The following KIF26B variants were observed in gnomAD, a reference collection of about 807,000 sequenced individuals.
The protein encoded by KIF26B is kinesin-like protein KIF26B.
A neutral mutation model predicts 151.2 loss-of-function variants in KIF26B; 63 were observed. The observed-to-expected ratio is 0.42, with a 90% CI of 0.34 to 0.51. The LOEUF (loss-of-function observed/expected upper bound fraction) is 0.51, where lower values mean the gene tolerates loss of function less well. Among genes scored for constraint, KIF26B ranks in the 20% least tolerant of loss-of-function variants. The probability of loss-of-function intolerance (pLI) is 0.07; values close to 1 mark genes in which losing one functional copy is unlikely to be tolerated. For synonymous variants in KIF26B, 1,357 were observed against 1,262.1 expected, an observed-to-expected ratio of 1.08 and a Z score of -1.59; for missense variants, 2,813 against 2,913.6, an observed-to-expected ratio of 0.97 and a Z score of 0.79.
intron 6 of KIF26B, among the ~76,000 whole-genome samples, chr1:245,605,460 T>G (rs1380017917): frequency 6.6e-6 from 1 of 152,202 alleles, no homozygotes. Flanking sequence ...TCTTCGTTTC[T>G]AAGGAAATCA....
rs559082191 is a variant in KIF26B at position 245,616,872 on chromosome 1, T to A, written c.2098+4896T>A. 2.2e-4 allele frequency among the ~76,000 whole-genome samples: 33 copies of A among 152,324 alleles called. No homozygotes were observed. In the South Asian group the frequency reaches 6.6e-3, roughly 31 times the overall value. ...GATAATTTCAAAAGCCCCACTTTTA[T>A]GAGTAATCTAAGCATGCAAGCAACT... On this transcript the variant is annotated intron_variant, in intron 9 of 14. Transcript: ENST00000407071.
chr1:245,343,085 C>CAAAAAA (rs11377283), intron 2 of KIF26B, among the ~76,000 whole-genome samples: 2 of 131,968 alleles, frequency 1.5e-5, no homozygotes, highest in African/African-American at 5.8e-5. Flanking sequence ...GACTCCATCT[C>CAAAAAA]AAAAAAAAAA....
chr1:245,305,574 TAAA>T (rs1671520174), intron 2 of KIF26B, among the ~76,000 whole-genome samples: 1 of 152,130 alleles, frequency 6.6e-6, no homozygotes, highest in South Asian at 2.1e-4. Flanking sequence ...ATGGCTAGAA[TAAA>T]AAAGATAAAC....
chr1:245,346,098 A>G (rs1047364798), intron 2 of KIF26B, among the ~76,000 whole-genome samples: 1 of 147,792 alleles, frequency 6.8e-6, no homozygotes, highest in Non-Finnish European at 1.5e-5. Context: ...ACACCTGGCT[A>G]ATTTTTTTTT....
intron 4 of KIF26B, among the ~76,000 whole-genome samples, chr1:245,537,041 T>A (rs2103100288): frequency 6.6e-6 from 1 of 152,294 alleles, no homozygotes; most frequent in South Asian, 2.1e-4. Flanking sequence ...GGGGAGAGTA[T>A]CAGTGTCAGG....
At chr1:245,323,655 A>C (rs927885607) in intron 2 of KIF26B, among the ~76,000 whole-genome samples, 2 of 152,218 alleles carry the variant, frequency 1.3e-5, no homozygotes, top group Admixed American at 6.5e-5. Flanking sequence ...ATTTTTAGTT[A>C]AGAAAGGCTC....
chr1:245,643,615 T>C (rs2043916161), intron 9 of KIF26B, among the ~76,000 whole-genome samples: 2 of 152,210 alleles, frequency 1.3e-5, no homozygotes, highest in South Asian at 2.1e-4. Context: ...TTTAAAGTAA[T>C]AAAAATTACA....
chr1:245,242,867 G>A (rs1295779992), intron 2 of KIF26B, among the ~76,000 whole-genome samples: 2 of 152,110 alleles, frequency 1.3e-5, no homozygotes, highest in Admixed American at 1.3e-4. Flanking sequence ...GCTCAGGCTG[G>A]TCTCGAACTC....
intron 2 of KIF26B, among the ~76,000 whole-genome samples, chr1:245,313,204 T>G (rs1313758497): frequency 1.3e-5 from 2 of 152,138 alleles, no homozygotes; most frequent in Non-Finnish European, 2.9e-5. Flanking sequence ...GGATTGACAC[T>G]GCACCTGCCT....
intron 5 of KIF26B, among the ~76,000 whole-genome samples, chr1:245,552,125 G>A (rs974994821): frequency 0.12 from 6,495 of 56,136 alleles, 310 homozygotes; most frequent in Admixed American, 0.22. Flanking sequence ...CCAGCAGGGT[G>A]TGTGTGTGTG....
chr1:245,632,891 G>T, intron 9 of KIF26B, among the ~76,000 whole-genome samples: 1 of 152,174 alleles, frequency 6.6e-6, no homozygotes, highest in East Asian at 1.9e-4. Context: ...CTGGGTGACA[G>T]AGTGAGACCC....
In KIF26B at chr1:245,602,475, C is replaced by A; in HGVS notation, c.1351-102C>A. 1 of 841,022 alleles carries A rather than the reference C, an allele frequency of 1.2e-6. No homozygotes were observed. Among genetic ancestry groups the A allele is most frequent in the Non-Finnish European group, 1.9e-6 (1 of 521,184 alleles). The allele number at this position is 841,022 out of a possible 1,614,324, so 52.1% of individuals were successfully genotyped here. A position where few individuals can be genotyped will look rare whatever the true frequency, so the allele number is the denominator to read the frequency against. ...CATCATAATTTATCCTGAGAAAGTT[C>A]AGTGCTGCCATGTGCATGTATATCG... On this transcript the variant is annotated intron_variant, in intron 5 of 14. Coordinates refer to ENST00000407071, the MANE Select transcript of KIF26B (RefSeq NM_018012.4). The surrounding 1 kb of genome is among the most constrained non-coding windows in gnomAD (Gnocchi z 4.5).
chr1:245,159,182 T>C (rs185710109), intron 2 of KIF26B, among the ~76,000 whole-genome samples: 1 of 152,234 alleles, frequency 6.6e-6, no homozygotes, highest in East Asian at 1.9e-4. Flanking sequence ...TTTTGAGGAG[T>C]AATTAACAAA....
chr1:245,328,123 G>A (rs6680883), intron 2 of KIF26B, among the ~76,000 whole-genome samples: 22,630 of 151,580 alleles, frequency 0.15, 4,419 homozygotes, highest in African/African-American at 0.46. Flanking sequence ...TGCTTTGCTG[G>A]TAGGCTGTGT....
At chr1:245,257,585 C>T (rs1435226934) in intron 2 of KIF26B, among the ~76,000 whole-genome samples, 2 of 152,166 alleles carry the variant, frequency 1.3e-5, no homozygotes, top group East Asian at 1.9e-4. Flanking sequence ...CAGGGCCCGT[C>T]GTGTGAAAAG....
chr1:245,179,795 C>A (rs1668872484), intron 2 of KIF26B, among the ~76,000 whole-genome samples: 1 of 152,182 alleles, frequency 6.6e-6, no homozygotes, highest in Non-Finnish European at 1.5e-5. Context: ...CAGGGGTGGA[C>A]CTTTCATCTG....
At chr1:245,522,661 A>T (rs955312569) in intron 4 of KIF26B, among the ~76,000 whole-genome samples, 1 of 152,154 alleles carries the variant, frequency 6.6e-6, no homozygotes, top group African/African-American at 2.4e-5. Context: ...GCTCAAATTG[A>T]GAATGTCCTT....
intron 4 of KIF26B, among the ~76,000 whole-genome samples, chr1:245,443,729 A>G (rs1232354719): frequency 4.6e-5 from 4 of 87,542 alleles, no homozygotes; most frequent in Non-Finnish European, 9.5e-5. Flanking sequence ...TAGAGCGGTC[A>G]TCTCCCTCAC....
At chr1:245,401,643 C>T (rs1022925945) in intron 3 of KIF26B, among the ~76,000 whole-genome samples, 5 of 152,210 alleles carry the variant, frequency 3.3e-5, no homozygotes, top group South Asian at 2.1e-4. Context: ...CCGAGGCGGG[C>T]GGATTGCTTG....
Sources: gnomAD v4.1 joint callset for allele counts (sites outside exome capture counted in the v4.1 genomes callset) on GRCh38, gnomAD v4.1.1 for gene constraint, Gnocchi (gnomAD v3.1) non-coding constraint, MANE v1.5 for transcripts, NCBI Gene and HGNC (gene_info 2026-07-23, HGNC 2026-07-21) for gene names.